The following THOC5 variants were observed in gnomAD, a reference collection of about 807,000 sequenced individuals.
The protein encoded by THOC5 is Fms-interacting protein.
Under a neutral mutation model 92.9 loss-of-function variants are expected in THOC5, and 43 were observed. The ratio of observed to expected loss-of-function variants is 0.46; its 90% CI spans 0.36 to 0.60. The LOEUF (loss-of-function observed/expected upper bound fraction) is 0.60. Ranked by LOEUF, THOC5 falls within the 20% of genes least tolerant of loss-of-function variation. THOC5 has a pLI of 0.00. For synonymous variants in THOC5, 296 were observed against 320.1 expected (o/e 0.92, Z 0.80); for missense variants, 659 against 849.4 (o/e 0.78, Z 2.79).
chr22:29,544,956 G>A, intron 2 of THOC5: 1 of 329,272 alleles, frequency 3.0e-6, no homozygotes, highest in Non-Finnish European at 5.9e-6. Context: ...GGATCATACT[G>A]TCCGTGCTGT....
intron 2 of THOC5, among the ~76,000 whole-genome samples, chr22:29,548,249 A>T (rs1320514520): frequency 2.9e-4 from 44 of 152,164 alleles, no homozygotes; most frequent in Admixed American, 2.8e-3. Context: ...GCTGCATGAC[A>T]GTCTCCTATA....
chr22:29,537,799 G>A (rs2063790185), intron 6 of THOC5, among the ~76,000 whole-genome samples: 2 of 152,038 alleles, frequency 1.3e-5, no homozygotes, highest in Admixed American at 6.6e-5. Flanking sequence ...GCTGAGGCAG[G>A]AGAATTGGTT....
chr22:29,537,467 C>A (rs1468906656), intron 6 of THOC5, among the ~76,000 whole-genome samples: 1 of 152,204 alleles, frequency 6.6e-6, no homozygotes, highest in Non-Finnish European at 1.5e-5. Flanking sequence ...ATGGTGAAAC[C>A]CGTCTCTACT....
intron 12 of THOC5, among the ~76,000 whole-genome samples, chr22:29,524,500 T>C (rs545801839): frequency 6.6e-6 from 1 of 152,236 alleles, no homozygotes; most frequent in South Asian, 2.1e-4. Context: ...GCCCTGTTAT[T>C]AGCATGTAGG....
rs746367853 is a variant in THOC5, at chr22:29,529,147, C to T, written c.925+15G>A. 1 of 1,614,054 alleles carries T rather than the reference C, an allele frequency of 6.2e-7. No individual in the cohort carries two copies. Among genetic ancestry groups the T allele is most frequent in the South Asian group, 1.1e-5 (1 of 91,068 alleles). The stretch of plus-strand genomic sequence containing the variant: ...CCTGGTGTCCCTGGGGGACGAATCC[C>T]AACCACCACATTACCTTGGGAGTCC... On this transcript the variant is annotated intron_variant, in intron 9 of 19. Transcript: ENST00000490103.
intron 6 of THOC5, 29 bp from the exon 7 acceptor site, chr22:29,536,767 C>T (rs2063768613): frequency 7.9e-7 from 1 of 1,262,882 alleles, no homozygotes; most frequent in Non-Finnish European, 1.2e-6. Context: ...GCATTGTCAC[C>T]TGATATCCCC....
In THOC5 at chr22:29,518,990, C is replaced by A; in HGVS notation, c.1489+16G>T. ...GTCTGAGTGACTCTTAAACCACTGC[C>A]CCATCATCAGCTTACCTAGGGATGC... is the stretch of plus-strand genomic sequence containing the variant. On this transcript the variant is annotated intron_variant, in intron 15 of 19. Coordinates refer to ENST00000490103, the MANE Select transcript of THOC5 (RefSeq NM_003678.5). 1.3e-6 allele frequency: 2 copies of A among 1,518,790 alleles called. No individual in the cohort carries two copies. Among genetic ancestry groups the A allele is most frequent in the South Asian group, 2.4e-5 (2 of 84,058 alleles). 94.1% of individuals were successfully genotyped at this position (1,518,790 alleles called of 1,614,324 possible).
intron 11 of THOC5, 110 bp downstream of exon 11, chr22:29,527,968 G>C: frequency 1.1e-6 from 1 of 931,708 alleles, no homozygotes; most frequent in Non-Finnish European, 1.7e-6. Context: ...ATATGAAATG[G>C]GAATCCTTTG....
intron 18 of THOC5, 87 bp from the exon 19 acceptor site, chr22:29,511,383 C>T (rs951014508): frequency 8.2e-6 from 12 of 1,463,906 alleles, no homozygotes; most frequent in African/African-American, 2.8e-5. Context: ...TGGATGGGCC[C>T]GAGCGCTGAT....
At chr22:29,552,131 G>A (rs1256961655) in intron 1 of THOC5, among the ~76,000 whole-genome samples, 2 of 152,088 alleles carry the variant, frequency 1.3e-5, no homozygotes. Flanking sequence ...ATCTCGGCTC[G>A]CTACAACCTC....
At chr22:29,532,240 A>C (rs2063669641) in intron 7 of THOC5, among the ~76,000 whole-genome samples, 1 of 152,212 alleles carries the variant, frequency 6.6e-6, no homozygotes. Context: ...CAGGAGGATC[A>C]CTTGAGGCCA....
intron 2 of THOC5, among the ~76,000 whole-genome samples, chr22:29,548,310 C>G (rs1601464452): frequency 6.6e-6 from 1 of 152,134 alleles, no homozygotes; most frequent in East Asian, 1.9e-4. Flanking sequence ...AATCCCAATA[C>G]CTTGGGAGGC....
rs536112773 is a variant in THOC5, at chr22:29,549,086, G to C, written c.62C>G (p.Ala21Gly). The C allele has an allele frequency of 4.2e-5, 67 of 1,614,144 alleles. 1 individual carries two copies. In the South Asian group the frequency reaches 7.2e-4, roughly 17 times the overall value. ...GTCAGATCGATTCCGCTTTCCTTCAGCTGGGGCTCCATCGCTTCGGATCAC... is the reference window on the plus strand; with the variant it reads ...GTCAGATCGATTCCGCTTTCCTTCACCTGGGGCTCCATCGCTTCGGATCAC... The part of the protein sequence containing the change: ...PKVIRSDGAP[A>G]EGKRNRSDTE... The change falls in exon 2 of 20, where the codon GCT (alanine) becomes GGT (glycine). Residue 21 changes from alanine (A) to glycine (G), a missense_variant. Physicochemically the swap from Ala to Gly is moderately conservative, Grantham distance 60. Coordinates refer to ENST00000490103, the MANE Select transcript of THOC5 (RefSeq NM_003678.5).
At position 29,529,159 on chromosome 22, in the gene THOC5, T is replaced by C; in HGVS notation, c.925+3A>G. ...GGGGGACGAATCCCAACCACCACATTACCTTGGGAGTCCTCTGGAGGTTTG... is the reference window on the plus strand; with the variant it reads ...GGGGGACGAATCCCAACCACCACATCACCTTGGGAGTCCTCTGGAGGTTTG... On this transcript the variant is annotated splice_donor_region_variant and intron_variant, in intron 9 of 19. Transcript: ENST00000490103. 6.2e-7 allele frequency: 1 copy of C among 1,614,130 alleles called. No homozygotes were observed.
intron 2 of THOC5, among the ~76,000 whole-genome samples, chr22:29,545,722 C>T (rs1255487985): frequency 6.6e-6 from 1 of 152,212 alleles, no homozygotes; most frequent in Admixed American, 6.5e-5. Flanking sequence ...CAGCTCCACC[C>T]CTGTGGCTTT....
intron 18 of THOC5, chr22:29,511,563 A>C: frequency 2.0e-6 from 1 of 490,276 alleles, no homozygotes. Context: ...GCAGTCTCAA[A>C]ATAAGACCTA....
At chr22:29,516,974 T>C (rs2063344644) in intron 17 of THOC5, 55 bp downstream of exon 17, 6 of 1,581,504 alleles carry the variant, frequency 3.8e-6, no homozygotes, top group African/African-American at 1.3e-5. Context: ...CGGAGAGTGT[T>C]TGATTCTTGG....
chr22:29,517,184 TGAG>T lies in THOC5; in HGVS notation c.1594-71_1594-69del. The T allele has an allele frequency of 3.7e-6, 6 of 1,607,968 alleles. No individual in the cohort carries two copies. In the South Asian group the frequency reaches 6.6e-5, roughly 18 times the overall value. Reference sequence around the variant, plus strand: ...CTGGTTAAACCCCCTGCTCTTCCAGTGAGGTGGCAGGAGCTGAAAGGTGACATG... The same window carrying T: ...CTGGTTAAACCCCCTGCTCTTCCAGTGTGGCAGGAGCTGAAAGGTGACATG... On this transcript the variant is annotated intron_variant, in intron 16 of 19. Coordinates refer to ENST00000490103, the MANE Select transcript of THOC5 (RefSeq NM_003678.5).
chr22:29,550,405 C>T (rs1004663164), intron 1 of THOC5, among the ~76,000 whole-genome samples: 1 of 151,774 alleles, frequency 6.6e-6, no homozygotes, highest in African/African-American at 2.4e-5. Context: ...AAGTATAGAA[C>T]CTACATTTCA....
Sources: allele counts gnomAD v4.1 joint callset (sites outside exome capture counted in the v4.1 genomes callset), GRCh38; gene constraint gnomAD v4.1.1; transcripts MANE v1.5; gene names NCBI Gene and HGNC (gene_info 2026-07-23, HGNC 2026-07-21).